Variants in LDAH observed in about 807,000 individuals in gnomAD.
The protein encoded by LDAH is lipid droplet-associated hydrolase.
LDAH carries 26 observed loss-of-function variants against 29.6 expected under a neutral mutation model. The ratio of observed to expected loss-of-function variants is 0.88; its 90% CI spans 0.64 to 1.22. The LOEUF (loss-of-function observed/expected upper bound fraction) is 1.22, where lower values mean the gene tolerates loss of function less well. Among genes scored for constraint, LDAH ranks in the 50% most tolerant of loss-of-function variants. LDAH has a pLI of 0.00. For missense variants in LDAH, 344 were observed against 387.3 expected (o/e 0.89, Z 0.94); for synonymous variants, 117 against 133.0 (o/e 0.88, Z 0.83).
chr2:20,804,959 A>T (rs1048724789), intron 1 of LDAH, among the ~76,000 whole-genome samples: 5 of 152,206 alleles, frequency 3.3e-5, no homozygotes, highest in Admixed American at 1.3e-4. Flanking sequence ...CAGTATATTT[A>T]TGTAAGTTCT....
intron 1 of LDAH, among the ~76,000 whole-genome samples, chr2:20,815,762 T>C (rs1486844442): frequency 6.6e-6 from 1 of 151,662 alleles, no homozygotes; most frequent in Admixed American, 6.6e-5. Context: ...CTTTAGGAGG[T>C]TCTCCTAAAA....
chr2:20,708,983 T>C (rs1180834507), intron 5 of LDAH, among the ~76,000 whole-genome samples: 1 of 152,166 alleles, frequency 6.6e-6, no homozygotes, highest in Non-Finnish European at 1.5e-5. Flanking sequence ...ACAATCTGAT[T>C]GAAAATGGGC....
At chr2:20,760,652 A>G (rs1668620303) in intron 4 of LDAH, among the ~76,000 whole-genome samples, 1 of 152,352 alleles carries the variant, frequency 6.6e-6, no homozygotes, top group Middle Eastern at 3.4e-3. Context: ...TTCAGCTTCT[A>G]GTGGCCCCTT....
At chr2:20,740,326 G>C (rs1439082903) in intron 4 of LDAH, 121 bp from the exon 5 acceptor site, 3 of 697,494 alleles carry the variant, frequency 4.3e-6, no homozygotes, top group African/African-American at 3.6e-5. Context: ...GATCTCTTCA[G>C]AGTGAGAAGA....
chr2:20,694,382 C>T (rs750386131), intron 6 of LDAH, among the ~76,000 whole-genome samples: 2 of 152,224 alleles, frequency 1.3e-5, no homozygotes, highest in Non-Finnish European at 2.9e-5. Flanking sequence ...TAAGCATCTC[C>T]TTTCAGTTAC....
At chr2:20,727,711 T>C (rs1371037491) in intron 5 of LDAH, among the ~76,000 whole-genome samples, 1 of 152,182 alleles carries the variant, frequency 6.6e-6, no homozygotes, top group South Asian at 2.1e-4. Context: ...GCTGTCTCAG[T>C]GAAAAGCCTA....
Position 20,747,630 on chromosome 2 carries a change from C to A in LDAH, c.469-7425G>T, listed in dbSNP as rs564317675. 3.9e-5 allele frequency among the ~76,000 whole-genome samples: 6 copies of A among 152,224 alleles called. No homozygotes were observed. The South Asian group carries it at 1.0e-3, about 26-fold the overall frequency. ...TTAGTAAGCTTATTTACTAAGTATG[C>A]AGTTTATAAACTGCAAATGCCATTA... On this transcript the variant is annotated intron_variant, in intron 4 of 6. Coordinates refer to ENST00000237822, the MANE Select transcript of LDAH (RefSeq NM_021925.4).
At chr2:20,701,324 A>G (rs976899921) in intron 6 of LDAH, among the ~76,000 whole-genome samples, 2 of 152,258 alleles carry the variant, frequency 1.3e-5, no homozygotes, top group African/African-American at 4.8e-5. Context: ...TTGACAAAAT[A>G]GAAAAGTATT....
At chr2:20,695,343 G>A (rs999294575) in intron 6 of LDAH, among the ~76,000 whole-genome samples, 1 of 152,176 alleles carries the variant, frequency 6.6e-6, no homozygotes, top group Non-Finnish European at 1.5e-5. Context: ...AAGAGGAACA[G>A]TTAGGCAAAT....
intron 5 of LDAH, among the ~76,000 whole-genome samples, chr2:20,727,973 A>C (rs940531946): frequency 6.6e-6 from 1 of 152,228 alleles, no homozygotes; most frequent in Admixed American, 6.5e-5. Context: ...CTAATGCCCC[A>C]GAACTCAAGC....
At chr2:20,801,501 T>C in intron 1 of LDAH, 36 bp from the exon 2 acceptor site, 1 of 1,574,590 alleles carries the variant, frequency 6.4e-7, no homozygotes, top group African/African-American at 1.4e-5. Context: ...GAAGAGTCAG[T>C]AAAATGTAAA....
At position 20,815,204 on chromosome 2, in the gene LDAH, C is replaced by A. The variant is rs567539013; in HGVS notation, c.-3+7833G>T. On this transcript the variant is annotated intron_variant, in intron 1 of 6. Transcript: ENST00000237822. The stretch of plus-strand genomic sequence containing the variant: ...GAGTGGAATTGACAGAGAACAGGAT[C>A]AGTGAACTTGAAAACAGATCAACAG... Among the ~76,000 whole-genome samples, 206 of 152,148 alleles carry A rather than the reference C, an allele frequency of 1.4e-3. 2 individuals carry two copies. Among genetic ancestry groups the A allele is most frequent in the African/African-American group, 4.7e-3 (197 of 41,532 alleles).
chr2:20,744,464 G>A (rs1047549102), intron 4 of LDAH, among the ~76,000 whole-genome samples: 2 of 151,996 alleles, frequency 1.3e-5, no homozygotes, highest in African/African-American at 2.4e-5. Context: ...CCCCTCTTTG[G>A]TAGGACAGGA....
At chr2:20,822,270 G>A (rs1306543454) in intron 1 of LDAH, among the ~76,000 whole-genome samples, 1 of 152,016 alleles carries the variant, frequency 6.6e-6, no homozygotes, top group East Asian at 1.9e-4. Flanking sequence ...GACTACAGGC[G>A]CCCGCCACCA....
At chr2:20,717,810 A>C (rs1014624909) in intron 5 of LDAH, among the ~76,000 whole-genome samples, 1 of 152,050 alleles carries the variant, frequency 6.6e-6, no homozygotes, top group African/African-American at 2.4e-5. Flanking sequence ...TGTTTGAGAC[A>C]AGGTCTCACT....
chr2:20,803,162 A>T (rs2125113930), intron 1 of LDAH, among the ~76,000 whole-genome samples: 2 of 152,346 alleles, frequency 1.3e-5, no homozygotes, highest in Middle Eastern at 6.8e-3. Flanking sequence ...TACACAGGAC[A>T]GCTCCCCACA....
intron 1 of LDAH, among the ~76,000 whole-genome samples, chr2:20,816,716 A>G (rs1368999336): frequency 6.6e-6 from 1 of 152,070 alleles, no homozygotes; most frequent in Admixed American, 6.6e-5. Flanking sequence ...ACCACCATCA[A>G]TGAACAGGAC....
intron 2 of LDAH, among the ~76,000 whole-genome samples, chr2:20,801,109 A>C (rs894741010): frequency 2.7e-5 from 4 of 149,776 alleles, no homozygotes; most frequent in Middle Eastern, 3.2e-3. Flanking sequence ...CACACACACA[A>C]CAGACAACAT....
chr2:20,688,827 CCTTTT>C (rs1434966427), intron 6 of LDAH, among the ~76,000 whole-genome samples: 5 of 93,204 alleles, frequency 5.4e-5, no homozygotes, highest in Admixed American at 3.9e-4. Context: ...ATGGAGGTTT[CCTTTT>C]TTTTTTTTTT....
Sources: allele counts gnomAD v4.1 joint callset (sites outside exome capture counted in the v4.1 genomes callset), GRCh38; gene constraint gnomAD v4.1.1; transcripts MANE v1.5; gene names NCBI Gene and HGNC (gene_info 2026-07-23, HGNC 2026-07-21).